FBXL17: variants seen among roughly 807,000 people sequenced by gnomAD.
The protein encoded by FBXL17 is F-box and leucine rich repeat protein 17.
Under a neutral mutation model 66.2 loss-of-function variants are expected in FBXL17, and 22 were observed. That is an observed-to-expected ratio of 0.33 (90% CI 0.24 to 0.47). FBXL17 has a LOEUF of 0.47. Among genes scored for constraint, FBXL17 ranks in the 20% least tolerant of loss-of-function variants. The probability of loss-of-function intolerance (pLI) is 1.00; values close to 1 mark genes in which losing one functional copy is unlikely to be tolerated. For synonymous variants in FBXL17, 474 were observed against 400.5 expected (o/e 1.18, Z -2.19); for missense variants, 878 against 948.2 (o/e 0.93, Z 0.97).
At chr5:108,302,327 T>A (rs1758628605) in intron 4 of FBXL17, among the ~76,000 whole-genome samples, 1 of 151,828 alleles carries the variant, frequency 6.6e-6, no homozygotes, top group Non-Finnish European at 1.5e-5. Flanking sequence ...AGGGTTCACC[T>A]CCAGTTTATG....
chr5:107,891,275 G>A (rs1749188414), intron 7 of FBXL17, among the ~76,000 whole-genome samples: 1 of 152,114 alleles, frequency 6.6e-6, no homozygotes, highest in Non-Finnish European at 1.5e-5. Context: ...GAAACAGGGA[G>A]TTAATGGAAA....
chr5:108,025,750 C>T (rs1296587605), intron 6 of FBXL17, among the ~76,000 whole-genome samples: 1 of 151,260 alleles, frequency 6.6e-6, no homozygotes, highest in East Asian at 1.9e-4. Context: ...CACACACACA[C>T]ACACAGGCCC....
At chr5:108,275,993 T>G (rs1019192733) in intron 4 of FBXL17, among the ~76,000 whole-genome samples, 1 of 152,168 alleles carries the variant, frequency 6.6e-6, no homozygotes, top group Admixed American at 6.5e-5. Flanking sequence ...GAAGAGACAT[T>G]ATGCATAAAA....
chr5:108,009,298 T>TACAC, intron 7 of FBXL17, among the ~76,000 whole-genome samples: 1 of 71,450 alleles, frequency 1.4e-5, no homozygotes, highest in Non-Finnish European at 2.5e-5. Flanking sequence ...TATATATATA[T>TACAC]ATACATATAT....
chr5:108,324,367 A>G (rs1299077546), intron 4 of FBXL17, among the ~76,000 whole-genome samples: 2 of 152,056 alleles, frequency 1.3e-5, no homozygotes, highest in Non-Finnish European at 2.9e-5. Context: ...AAATCAAAAC[A>G]AAGAAATATA....
rs767201110 is a variant in FBXL17 at position 108,049,877 on chromosome 5, C to T, written c.1746-28876G>A. ...GCAAAGACACACTATACAAAATAAA[C>T]GGATATAGGAACATTTACCAAGCAA... On this transcript the variant is annotated intron_variant, in intron 6 of 8. Transcript: ENST00000542267. Among the ~76,000 whole-genome samples, 8 of 151,960 alleles carry T rather than the reference C, an allele frequency of 5.3e-5. 1 individual carries two copies. The highest frequency in any genetic ancestry group is 2.6e-4 in the Admixed American group (4 of 15,250).
At chr5:108,365,110 G>C in intron 2 of FBXL17, 115 bp from the exon 3 acceptor site, 1 of 682,614 alleles carries the variant, frequency 1.5e-6, no homozygotes, top group Non-Finnish European at 2.4e-6. Flanking sequence ...TAGCATGAAC[G>C]ATATAATCAA....
chr5:108,275,138 T>C (rs1442572832), intron 4 of FBXL17, among the ~76,000 whole-genome samples: 1 of 152,218 alleles, frequency 6.6e-6, no homozygotes, highest in East Asian at 1.9e-4. Context: ...ATAAGATTAC[T>C]TATAATGAAT....
chr5:108,277,525 T>C (rs1757530964), intron 4 of FBXL17, among the ~76,000 whole-genome samples: 1 of 151,916 alleles, frequency 6.6e-6, no homozygotes, highest in Admixed American at 6.6e-5. Flanking sequence ...GAAACATAAA[T>C]TGAAGCAGGA....
intron 5 of FBXL17, among the ~76,000 whole-genome samples, chr5:108,196,942 T>A (rs1358440689): frequency 6.6e-6 from 1 of 152,168 alleles, no homozygotes; most frequent in Admixed American, 6.6e-5. Flanking sequence ...GAATTTTGAG[T>A]AGTTCACCAA....
At chr5:107,922,131 G>A (rs949263234) in intron 7 of FBXL17, among the ~76,000 whole-genome samples, 1 of 152,104 alleles carries the variant, frequency 6.6e-6, no homozygotes, top group Non-Finnish European at 1.5e-5. Flanking sequence ...GAAATACCAC[G>A]AGGCATGCAG....
chr5:108,245,978 G>T (rs1756077644), intron 4 of FBXL17, among the ~76,000 whole-genome samples: 1 of 152,118 alleles, frequency 6.6e-6, no homozygotes, highest in Non-Finnish European at 1.5e-5. Context: ...ATACATGAAT[G>T]AGTTAAATCA....
intron 6 of FBXL17, among the ~76,000 whole-genome samples, chr5:108,147,846 TAAC>T (rs762930770): frequency 6.6e-6 from 1 of 151,802 alleles, no homozygotes; most frequent in Non-Finnish European, 1.5e-5. Flanking sequence ...ATTAGATTTA[TAAC>T]AACCTCTTAA....
At chr5:107,990,933 T>A (rs1422880734) in intron 7 of FBXL17, among the ~76,000 whole-genome samples, 1 of 152,140 alleles carries the variant, frequency 6.6e-6, no homozygotes, top group African/African-American at 2.4e-5. Flanking sequence ...TTTATCCTTA[T>A]AACAAACATC....
At chr5:108,013,683 C>T (rs888577750) in intron 7 of FBXL17, among the ~76,000 whole-genome samples, 1 of 151,080 alleles carries the variant, frequency 6.6e-6, no homozygotes, top group African/African-American at 2.5e-5. Context: ...CATGCACACA[C>T]AGAGTAAACA....
At chr5:108,012,219 G>C (rs549528032) in intron 7 of FBXL17, among the ~76,000 whole-genome samples, 47 of 152,088 alleles carry the variant, frequency 3.1e-4, no homozygotes, top group Non-Finnish European at 4.1e-4. Flanking sequence ...AATTTTAAAA[G>C]AGGATTCAGA....
At chr5:108,054,031 T>C (rs2112829166) in intron 6 of FBXL17, among the ~76,000 whole-genome samples, 1 of 152,240 alleles carries the variant, frequency 6.6e-6, no homozygotes, top group East Asian at 1.9e-4. Flanking sequence ...AAATACCACA[T>C]GTTCTCATTC....
intron 6 of FBXL17, among the ~76,000 whole-genome samples, chr5:108,071,277 A>G (rs1194369843): frequency 1.3e-5 from 2 of 152,180 alleles, no homozygotes; most frequent in Non-Finnish European, 2.9e-5. Context: ...TCATGACCCT[A>G]CTACACTTGA....
chr5:108,186,019 G>T, intron 6 of FBXL17, 98 bp downstream of exon 6: 1 of 905,434 alleles, frequency 1.1e-6, no homozygotes, highest in Non-Finnish European at 1.7e-6. Flanking sequence ...AGGCACAGCT[G>T]TATTCAATTT....
Sources: allele counts gnomAD v4.1 joint callset (sites outside exome capture counted in the v4.1 genomes callset), GRCh38; gene constraint gnomAD v4.1.1; transcripts MANE v1.5; gene names NCBI Gene and HGNC (gene_info 2026-07-23, HGNC 2026-07-21).